The following BLVRA variants were observed in gnomAD, a reference collection of about 807,000 sequenced individuals.
The protein encoded by BLVRA is biliverdin reductase A.
In BLVRA, 22 loss-of-function variants were observed where a neutral mutation model predicts 32.8. The ratio of observed to expected loss-of-function variants is 0.67; its 90% confidence interval spans 0.48 to 0.96. BLVRA has a LOEUF of 0.96. BLVRA is among the 40% of genes least tolerant of loss of function. The probability of loss-of-function intolerance (pLI) is 0.00; values close to 1 mark genes in which losing one functional copy is unlikely to be tolerated. For synonymous variants in BLVRA, 119 were observed against 141.3 expected (o/e 0.84, Z 1.12); for missense variants, 323 against 358.1 (o/e 0.90, Z 0.79).
chr7:43,759,100 C>G (rs1182994354), intron 1 of BLVRA, among the ~76,000 whole-genome samples: 2 of 152,240 alleles, frequency 1.3e-5, no homozygotes, highest in Non-Finnish European at 2.9e-5. Flanking sequence ...GCTCCAGGAG[C>G]GCGAGCGGCT....
intron 7 of BLVRA, among the ~76,000 whole-genome samples, chr7:43,805,769 G>A (rs2095803437): frequency 1.3e-5 from 2 of 151,706 alleles, no homozygotes; most frequent in South Asian, 2.1e-4. Flanking sequence ...GCTGATTTTC[G>A]TATTTTTGGG....
intron 2 of BLVRA, among the ~76,000 whole-genome samples, chr7:43,780,034 G>A (rs938909541): frequency 6.6e-6 from 1 of 151,736 alleles, no homozygotes; most frequent in African/African-American, 2.4e-5. Flanking sequence ...ACCACACCTG[G>A]GTAATTTTTG....
At chr7:43,806,071 G>T (rs1456955824) in intron 7 of BLVRA, among the ~76,000 whole-genome samples, 1 of 152,234 alleles carries the variant, frequency 6.6e-6, no homozygotes, top group Non-Finnish European at 1.5e-5. Flanking sequence ...CCAGCACTTT[G>T]GGAGGCTAAG....
chr7:43,765,023 C>T (rs749416450), intron 1 of BLVRA, among the ~76,000 whole-genome samples: 3 of 152,030 alleles, frequency 2.0e-5, no homozygotes, highest in Non-Finnish European at 2.9e-5. Flanking sequence ...CACCTGAGCC[C>T]GTTGTGTTTC....
Sources: gnomAD v4.1 joint callset for allele counts (sites outside exome capture counted in the v4.1 genomes callset) on GRCh38, gnomAD v4.1.1 for gene constraint, MANE v1.5 for transcripts, NCBI Gene and HGNC (gene_info 2026-07-23, HGNC 2026-07-21) for gene names.